Variants in EXT1 observed in about 807,000 individuals in gnomAD.
The protein encoded by EXT1 is exostosin glycosyltransferase 1.
In EXT1, 20 loss-of-function variants were observed where a neutral mutation model predicts 82.5. The observed-to-expected ratio is 0.24, with a 90% CI of 0.17 to 0.35. EXT1 has a LOEUF of 0.35. Among genes scored for constraint, EXT1 ranks in the 10% least tolerant of loss-of-function variants. The pLI is 1.00. For missense variants in EXT1, 757 were observed against 936.5 expected (o/e 0.81, Z 2.50); for synonymous variants, 348 against 350.8 (o/e 0.99, Z 0.09).
intron 1 of EXT1, among the ~76,000 whole-genome samples, chr8:118,004,656 TC>T (rs1788602666): frequency 6.6e-6 from 1 of 152,218 alleles, no homozygotes. Flanking sequence ...GGATTTCACT[TC>T]CTGAGTATTC....
chr8:117,867,028 A>T (rs1812784794), intron 1 of EXT1, among the ~76,000 whole-genome samples: 1 of 152,122 alleles, frequency 6.6e-6, no homozygotes, highest in African/African-American at 2.4e-5. Flanking sequence ...TGGGAGGCCA[A>T]GGTGGGTGGA....
intron 1 of EXT1, among the ~76,000 whole-genome samples, chr8:118,095,426 T>TA: frequency 6.6e-6 from 1 of 152,176 alleles, no homozygotes; most frequent in Admixed American, 6.5e-5. Flanking sequence ...TCTGAATCAA[T>TA]AAAAGACTGA....
intron 1 of EXT1, among the ~76,000 whole-genome samples, chr8:117,841,530 CAT>C (rs1812274130): frequency 6.6e-6 from 1 of 152,130 alleles, no homozygotes; most frequent in Non-Finnish European, 1.5e-5. Flanking sequence ...TTAAAAGAAA[CAT>C]ATGATATCCT....
chr8:117,948,699 T>C (rs753966908), intron 1 of EXT1, among the ~76,000 whole-genome samples: 4 of 152,234 alleles, frequency 2.6e-5, no homozygotes, highest in Non-Finnish European at 5.9e-5. Flanking sequence ...TTCTTCCTCC[T>C]GCCATGTATA....
intron 6 of EXT1, among the ~76,000 whole-genome samples, chr8:117,819,437 A>G (rs537230833): frequency 2.0e-5 from 3 of 152,280 alleles, no homozygotes; most frequent in South Asian, 4.2e-4. Flanking sequence ...TTTTAACTCT[A>G]TACCAGTGCT....
intron 1 of EXT1, among the ~76,000 whole-genome samples, chr8:117,892,659 G>A (rs1232520903): frequency 6.6e-6 from 1 of 152,178 alleles, no homozygotes; most frequent in African/African-American, 2.4e-5. Flanking sequence ...GTTTGTAGTT[G>A]GGCCAAGGTG....
At chr8:118,083,880 T>G (rs1817374616) in intron 1 of EXT1, among the ~76,000 whole-genome samples, 1 of 151,920 alleles carries the variant, frequency 6.6e-6, no homozygotes, top group African/African-American at 2.4e-5. Flanking sequence ...ATATAAAAAA[T>G]TAGCCAGGTG....
At position 117,863,681 on chromosome 8, in the gene EXT1, T is replaced by C. The variant is rs984307932; in HGVS notation, c.963-26480A>G. ...GCGCACTAGATATCTCTGCAAAGTT[T>C]CCAGCAGATGCTTGTCCTGTGCTTA... On this transcript the variant is annotated intron_variant, in intron 1 of 10. Coordinates refer to ENST00000378204, the MANE Select transcript of EXT1 (RefSeq NM_000127.3). Among the ~76,000 whole-genome samples the C allele has an allele frequency of 3.3e-5, 5 of 152,216 alleles. No individual in the cohort carries two copies. The South Asian group carries it at 6.2e-4, about 19-fold the overall frequency.
chr8:118,026,560 G>A (rs1816206271), intron 1 of EXT1, among the ~76,000 whole-genome samples: 1 of 151,950 alleles, frequency 6.6e-6, no homozygotes, highest in African/African-American at 2.4e-5. Flanking sequence ...ATCAACATCT[G>A]GGGTATGACC....
At chr8:117,939,160 T>C (rs1360862141) in intron 1 of EXT1, among the ~76,000 whole-genome samples, 2 of 152,166 alleles carry the variant, frequency 1.3e-5, no homozygotes, top group African/African-American at 4.8e-5. Flanking sequence ...CCATCAATAA[T>C]AGCATTCATA....
chr8:118,097,438 C>T (rs573881587), intron 1 of EXT1, among the ~76,000 whole-genome samples: 88 of 152,214 alleles, frequency 5.8e-4, no homozygotes, highest in South Asian at 2.7e-3. Flanking sequence ...CAGAGCAAGA[C>T]TCCTTCTCAA....
intron 1 of EXT1, among the ~76,000 whole-genome samples, chr8:117,943,356 T>C (rs1814323982): frequency 6.6e-6 from 1 of 152,212 alleles, no homozygotes. Context: ...AGAAATGCTA[T>C]GATTATAATA....
At chr8:117,907,967 C>T (rs1813573590) in intron 1 of EXT1, among the ~76,000 whole-genome samples, 1 of 152,150 alleles carries the variant, frequency 6.6e-6, no homozygotes, top group African/African-American at 2.4e-5. Context: ...CAAATACCTA[C>T]CTCTTCATCA....
chr8:117,999,569 A>C (rs1205898477), intron 1 of EXT1, among the ~76,000 whole-genome samples: 3 of 152,200 alleles, frequency 2.0e-5, no homozygotes, highest in Non-Finnish European at 4.4e-5. Context: ...ACTAGAAGGC[A>C]AGTGGTCAGA....
intron 1 of EXT1, among the ~76,000 whole-genome samples, chr8:117,956,107 T>C (rs1456700195): frequency 6.6e-6 from 1 of 151,946 alleles, no homozygotes; most frequent in Non-Finnish European, 1.5e-5. Context: ...TTTTAAGCAT[T>C]ATTAATGAAT....
chr8:118,011,191 T>C (rs912287469), intron 1 of EXT1, among the ~76,000 whole-genome samples: 4 of 152,070 alleles, frequency 2.6e-5, no homozygotes, highest in Non-Finnish European at 5.9e-5. Flanking sequence ...TCCTCTCATA[T>C]CTCTTTTCCC....
At chr8:117,849,888 T>C (rs957389212) in intron 1 of EXT1, among the ~76,000 whole-genome samples, 5 of 152,370 alleles carry the variant, frequency 3.3e-5, no homozygotes, top group South Asian at 2.1e-4. Context: ...CAAATTATTA[T>C]GGCATATACC....
intron 1 of EXT1, among the ~76,000 whole-genome samples, chr8:117,981,662 G>A (rs564034481): frequency 6.6e-6 from 1 of 152,166 alleles, no homozygotes; most frequent in African/African-American, 2.4e-5. Flanking sequence ...TTGAGGTCAG[G>A]AGTTCAAGAC....
At chr8:117,821,136 C>T (rs566417189) in intron 5 of EXT1, among the ~76,000 whole-genome samples, 10 of 152,266 alleles carry the variant, frequency 6.6e-5, no homozygotes, top group Admixed American at 1.3e-4. Context: ...ATTCAAGTTA[C>T]GCTTTGATAC....
Sources: allele counts gnomAD v4.1 joint callset (sites outside exome capture counted in the v4.1 genomes callset), GRCh38; gene constraint gnomAD v4.1.1; transcripts MANE v1.5; gene names NCBI Gene and HGNC (gene_info 2026-07-23, HGNC 2026-07-21).